Variants in USP40 observed in about 807,000 individuals in gnomAD.
USP40 encodes ubiquitin specific peptidase 40, also known as ubiquitin carboxyl-terminal hydrolase 40.
A neutral mutation model predicts 166.2 loss-of-function variants in USP40; 143 were observed. The ratio of observed to expected loss-of-function variants is 0.86; its 90% confidence interval spans 0.75 to 0.99. The LOEUF (loss-of-function observed/expected upper bound fraction) is 0.99. Among genes scored for constraint, USP40 ranks in the 50% least tolerant of loss-of-function variants. The pLI is 0.00. For synonymous variants in USP40, 498 were observed against 524.0 expected (o/e 0.95, Z 0.68); for missense variants, 1,444 against 1,479.7 (o/e 0.98, Z 0.40).
At chr2:233,502,463 TTTTC>T (rs1303028820) in intron 21 of USP40, among the ~76,000 whole-genome samples, 3 of 152,112 alleles carry the variant, frequency 2.0e-5, no homozygotes, top group East Asian at 1.9e-4. Context: ...CCAATGAATA[TTTTC>T]TTTGAGTGTC....
Position 233,554,429 on chromosome 2 carries a change from T to C in USP40, c.644A>G (p.Asp215Gly). The change falls in exon 6 of 32, where the codon GAC becomes GGC. Residue 215 changes from aspartate (D) to glycine (G), a missense_variant. By Grantham distance (94) the Asp-to-Gly change is moderately conservative. Transcript: ENST00000678225. ...ACAAGTTCCACAGTGGTACAAGTTG[T>C]CACAATCAAAAACTTCCTCTTCTAC... is the stretch of plus-strand genomic sequence containing the variant. ...MYVEEEVFDC[D>G]NLYHCGTCDR... The C allele has an allele frequency of 1.2e-6, 2 of 1,613,324 alleles. No homozygotes were observed. The highest frequency in any genetic ancestry group is 1.7e-6 in the Non-Finnish European group (2 of 1,179,638).
chr2:233,500,538 T>C (rs2066010061), intron 21 of USP40, among the ~76,000 whole-genome samples: 1 of 152,132 alleles, frequency 6.6e-6, no homozygotes. Flanking sequence ...TTGATTTCTA[T>C]TACACTAGAG....
At chr2:233,548,892 G>A (rs980697580) in intron 8 of USP40, among the ~76,000 whole-genome samples, 1 of 151,946 alleles carries the variant, frequency 6.6e-6, no homozygotes, top group Non-Finnish European at 1.5e-5. Context: ...GTATACAGGA[G>A]GTGTTTTTAC....
At chr2:233,557,733 A>G (rs1369369032) in intron 4 of USP40, among the ~76,000 whole-genome samples, 1 of 152,180 alleles carries the variant, frequency 6.6e-6, no homozygotes. Flanking sequence ...CTGAGAACAG[A>G]GAAGTGTCTT....
At chr2:233,516,857 G>A (rs796989245) in intron 18 of USP40, among the ~76,000 whole-genome samples, 7 of 143,962 alleles carry the variant, frequency 4.9e-5, no homozygotes, top group African/African-American at 1.0e-4. Context: ...ACTCCGTCTC[G>A]AATTGAAAAA....
At chr2:233,511,649 A>G (rs2066844184) in intron 20 of USP40, 60 bp downstream of exon 20, 1 of 1,303,446 alleles carries the variant, frequency 7.7e-7, no homozygotes, top group African/African-American at 1.5e-5. Context: ...CTAAGGTACT[A>G]GTTATAATTC....
At chr2:233,558,247 G>A (rs2071274628) in intron 4 of USP40, among the ~76,000 whole-genome samples, 1 of 151,354 alleles carries the variant, frequency 6.6e-6, no homozygotes. Context: ...GTCCTAGAGG[G>A]TTTTCTGCAA....
chr2:233,520,186 C>A (rs1199026083), intron 17 of USP40, among the ~76,000 whole-genome samples: 1 of 151,978 alleles, frequency 6.6e-6, no homozygotes, highest in Admixed American at 6.6e-5. Context: ...CTCTAGGATA[C>A]AAAATCTTGT....
intron 4 of USP40, among the ~76,000 whole-genome samples, chr2:233,559,546 A>C (rs1190196215): frequency 6.6e-6 from 1 of 152,216 alleles, no homozygotes; most frequent in Non-Finnish European, 1.5e-5. Flanking sequence ...CTTAGGGTAG[A>C]AATTGTAAAA....
Position 233,476,721 on chromosome 2 carries a change from CG to C in USP40, c.*670del, listed in dbSNP as rs1329875193. 3 of 157,296 alleles carry C rather than the reference CG, an allele frequency of 1.9e-5. No homozygotes were observed. In the East Asian group the frequency reaches 5.6e-4, roughly 29 times the overall value. The allele number at this position is 157,296 out of a possible 1,614,324, so 9.7% of individuals were successfully genotyped here. ...GCTGGACCCTTGGCCTGCGGGCTGACGTGCAGCGGCTGCCCTTGCTTAGCAG... is the reference window on the plus strand; with the variant it reads ...GCTGGACCCTTGGCCTGCGGGCTGACTGCAGCGGCTGCCCTTGCTTAGCAG... On this transcript the variant is annotated 3_prime_UTR_variant, in exon 32 of 32. Transcript: ENST00000678225.
In USP40 at chr2:233,498,580, A is replaced by G. The variant is rs758999791; in HGVS notation, c.2683T>C (p.Cys895Arg). 8 of 1,613,392 alleles carry G rather than the reference A, an allele frequency of 5.0e-6. No homozygotes were observed. The South Asian group carries it at 8.8e-5, about 18-fold the overall frequency. The change falls in exon 23 of 32, where the codon TGC becomes CGC. Residue 895 changes from cysteine to arginine, a missense_variant. Cys to Arg is a radical substitution (Grantham distance 180, BLOSUM62 -3). Transcript: ENST00000678225. ...CATAAAGGCTCTCCAGCTTCATAGC[A>G]CCAATCCATTTTTCGTAAATGCCAG... ...DAWHLRKMDW[C>R]YEAGEPLCEE...
At position 233,485,977 on chromosome 2, in the gene USP40, GCTGTACCAGAAAAC is replaced by G; in HGVS notation, c.3198-14_3198-1del. 6.4e-7 allele frequency: 1 copy of G among 1,568,742 alleles called. No individual in the cohort carries two copies. Among genetic ancestry groups the G allele is most frequent in the Non-Finnish European group, 8.6e-7 (1 of 1,160,436 alleles). On this transcript the variant is annotated splice_acceptor_variant and splice_polypyrimidine_tract_variant and intron_variant, in intron 28 of 31. Coordinates refer to ENST00000678225, the MANE Select transcript of USP40 (RefSeq NM_001365479.2). LOFTEE classifies it high-confidence loss of function. ...GTGTCCTCAGCAGCACGTCCTGGGG[GCTGTACCAGAAAAC>G]CGTCAAGCGCCAGATCCAAACAAAC...
chr2:233,505,743 T>G lies in USP40; in HGVS notation c.2613+4306A>C, dbSNP rs2066373223. On this transcript the variant is annotated intron_variant, in intron 21 of 31. Coordinates refer to ENST00000678225, the MANE Select transcript of USP40 (RefSeq NM_001365479.2). ...TTCACTGCTGAATTCTACCAAACAT[T>G]TAAAGAATATCAATTCTCCTCAAAC... 2.0e-5 allele frequency among the ~76,000 whole-genome samples: 3 copies of G among 152,000 alleles called. No homozygotes were observed. The South Asian group carries it at 6.2e-4, about 32-fold the overall frequency.
Position 233,477,189 on chromosome 2 carries a change from CACCA to C in USP40, c.*199_*202del. The stretch of plus-strand genomic sequence containing the variant: ...GCTGGGTGGGCGACATCCAGAGCTG[CACCA>C]GCCCCCGTGGCTGCCACGTGTTGCA... On this transcript the variant is annotated 3_prime_UTR_variant, in exon 32 of 32. Transcript: ENST00000678225. 1 of 590,524 alleles carries C rather than the reference CACCA, an allele frequency of 1.7e-6. No homozygotes were observed. Among genetic ancestry groups the C allele is most frequent in the Admixed American group, 2.4e-5 (1 of 41,184 alleles). 36.6% of individuals were successfully genotyped at this position (590,524 alleles called of 1,614,324 possible). A position where few individuals can be genotyped will look rare whatever the true frequency, so the allele number is the denominator to read the frequency against.
At chr2:233,542,202 T>A (rs761218815) in intron 9 of USP40, 66 bp downstream of exon 9, 20 of 858,974 alleles carry the variant, frequency 2.3e-5, no homozygotes, top group African/African-American at 7.0e-5. Context: ...CTTACATATA[T>A]ACACACATGC....
intron 10 of USP40, among the ~76,000 whole-genome samples, chr2:233,535,776 GGATACAAA>G (rs2068892049): frequency 6.6e-6 from 1 of 152,026 alleles, no homozygotes; most frequent in Non-Finnish European, 1.5e-5. Context: ...GATGGTCAAA[GGATACAAA>G]GCCTCAATTC....
chr2:233,496,732 T>A (rs766162256), intron 24 of USP40, 26 bp downstream of exon 24: 1 of 1,582,232 alleles, frequency 6.3e-7, no homozygotes, highest in Non-Finnish European at 8.7e-7. Flanking sequence ...TACTTAAGAG[T>A]TGTCTATTCA....
intron 30 of USP40, among the ~76,000 whole-genome samples, chr2:233,484,470 TCTC>T (rs1481199850): frequency 6.0e-5 from 9 of 150,824 alleles, no homozygotes; most frequent in South Asian, 4.2e-4. Context: ...GTCTTTTGAA[TCTC>T]CTTTTTTTTT....
At chr2:233,481,891 A>C (rs1402563223) in intron 30 of USP40, among the ~76,000 whole-genome samples, 1 of 152,198 alleles carries the variant, frequency 6.6e-6, no homozygotes, top group Non-Finnish European at 1.5e-5. Context: ...TGCTGTCCAC[A>C]GGGAGGACGC....
Sources: gnomAD v4.1 joint callset for allele counts (sites outside exome capture counted in the v4.1 genomes callset) on GRCh38, gnomAD v4.1.1 for gene constraint, MANE v1.5 for transcripts, NCBI Gene and HGNC (gene_info 2026-07-23, HGNC 2026-07-21) for gene names.